IST1: variants seen among roughly 807,000 people sequenced by gnomAD.
IST1 encodes IST1 homolog.
In IST1, 23 loss-of-function variants were observed where a neutral mutation model predicts 37.0. That is an observed-to-expected ratio of 0.62 (90% CI 0.45 to 0.88). The LOEUF (loss-of-function observed/expected upper bound fraction) is 0.88, where lower values mean the gene tolerates loss of function less well. Among genes scored for constraint, IST1 ranks in the 40% least tolerant of loss-of-function variants. The probability of loss-of-function intolerance (pLI) is 0.00; values close to 1 mark genes in which losing one functional copy is unlikely to be tolerated. For synonymous variants in IST1, 180 were observed against 161.7 expected (o/e 1.11, Z -0.86); for missense variants, 488 against 445.4 (o/e 1.10, Z -0.86).
chr16:71,912,134 TC>T (rs1004944882), intron 1 of IST1, among the ~76,000 whole-genome samples: 1 of 152,090 alleles, frequency 6.6e-6, no homozygotes, highest in African/African-American at 2.4e-5. Flanking sequence ...ATTGCAGATT[TC>T]CCCCCAAATA....
Position 71,915,713 on chromosome 16 carries a change from T to A in IST1, c.73T>A (p.Leu25Met), listed in dbSNP as rs902817342. 1 of 1,610,710 alleles carries A rather than the reference T, an allele frequency of 6.2e-7. No homozygotes were observed. The highest frequency in any genetic ancestry group is 2.2e-5 in the East Asian group (1 of 44,860). ...ATTAGTCATAAATCGCCTTAAACTATTGGAGAAAAAGAAAAGTGAGTAGTG... is the reference window on the plus strand; with the variant it reads ...ATTAGTCATAAATCGCCTTAAACTAATGGAGAAAAAGAAAAGTGAGTAGTG... ...LRLVINRLKL[L>M]EKKKTELAQK... The change falls in exon 2 of 10, where the codon TTG becomes ATG. Residue 25 changes from leucine (L) to methionine (M), a missense_variant. Coordinates refer to ENST00000378799, the MANE Select transcript of IST1 (RefSeq NM_001270975.2).
intron 1 of IST1, chr16:71,903,351 A>AT (rs762025966): frequency 8.6e-5 from 13 of 152,038 alleles, no homozygotes; most frequent in African/African-American, 2.4e-4. Flanking sequence ...CATCCCACAA[A>AT]TTCGTTACAT....
rs1199046448 is a variant in IST1, at chr16:71,930,208, C to T, written c.*2395C>T. 61 of 1,522,338 alleles carry T rather than the reference C, an allele frequency of 4.0e-5. No individual in the cohort carries two copies. The highest frequency in any genetic ancestry group is 3.0e-5 in the Non-Finnish European group (34 of 1,133,496). The allele number at this position is 1,522,338 out of a possible 1,614,324, so 94.3% of individuals were successfully genotyped here. The stretch of plus-strand genomic sequence containing the variant: ...CCTGGGAAAACAATAAGAACACTTG[C>T]AGTGACTGACAATTTAGTTTATACT... On this transcript the variant is annotated 3_prime_UTR_variant, in exon 10 of 10. Coordinates refer to ENST00000378799, the MANE Select transcript of IST1 (RefSeq NM_001270975.2).
At chr16:71,921,170 G>T in intron 5 of IST1, 173 bp from the exon 6 acceptor site, 1 of 607,186 alleles carries the variant, frequency 1.6e-6, no homozygotes, top group East Asian at 2.7e-5. Context: ...GTGAAAGAGA[G>T]ACTTGGGTCC....
chr16:71,923,376 A>C lies in IST1; in HGVS notation c.848A>C (p.Glu283Ala). ...PQIPATPPSY[E>A]SVDDINADKN... ...ATACCAGCAACTCCCCCATCGTATG[A>C]ATCTGTAAGTGCCTGAGCCTCTTTT... Residue 283 changes from glutamate (E) to alanine (A), a missense_variant, in exon 8 of 10, where the codon GAA (glutamate) becomes GCA (alanine). Glu to Ala is a moderately radical substitution (Grantham distance 107). This residue lies in a region of IST1 where 455 missense variants were observed against 386.2 expected (regional missense o/e 1.18). Coordinates refer to ENST00000378799, the MANE Select transcript of IST1 (RefSeq NM_001270975.2). 2 of 1,596,082 alleles carry C rather than the reference A, an allele frequency of 1.3e-6. No individual in the cohort carries two copies. Among genetic ancestry groups the C allele is most frequent in the Middle Eastern group, 1.7e-4 (1 of 6,022 alleles).
At chr16:71,917,177 T>G in intron 4 of IST1, 43 bp downstream of exon 4, 1 of 1,219,954 alleles carries the variant, frequency 8.2e-7, no homozygotes, top group Non-Finnish European at 1.2e-6. Flanking sequence ...CTTTTCATAT[T>G]GTTAGAAAGG....
At chr16:71,894,952 C>G (rs1275848232), upstream of IST1, 1 of 887,486 alleles carries the variant, frequency 1.1e-6, no homozygotes, top group Non-Finnish European at 1.8e-6. Flanking sequence ...AATTATACCA[C>G]ACAGACCGGA....
intron 1 of IST1, among the ~76,000 whole-genome samples, chr16:71,913,928 C>T (rs1470296919): frequency 1.3e-5 from 2 of 152,176 alleles, no homozygotes; most frequent in Admixed American, 6.5e-5. Context: ...CCTGCCTCAG[C>T]CTCCGGAGTA....
chr16:71,923,850 T>C (rs9925684), intron 8 of IST1, among the ~76,000 whole-genome samples: 50,986 of 152,080 alleles, frequency 0.34, 9,170 homozygotes, highest in East Asian at 0.66. Context: ...CATTTTAGTA[T>C]TCTAGTTAAA....
intron 1 of IST1, among the ~76,000 whole-genome samples, chr16:71,914,125 G>T (rs200984395): frequency 1.1e-5 from 1 of 93,104 alleles, no homozygotes; most frequent in East Asian, 4.1e-4. Context: ...GTTGTTTGTT[G>T]TTTTTCCAGT....
At position 71,929,775 on chromosome 16, in the gene IST1, A is replaced by G; in HGVS notation, c.*1962A>G. 1 of 1,185,912 alleles carries G rather than the reference A, an allele frequency of 8.4e-7. No homozygotes were observed. The highest frequency in any genetic ancestry group is 2.6e-5 in the East Asian group (1 of 38,972). The allele number at this position is 1,185,912 out of a possible 1,614,324, so 73.5% of individuals were successfully genotyped here. A position where few individuals can be genotyped will look rare whatever the true frequency, so the allele number is the denominator to read the frequency against. ...CCAAAGATTTTTAAAAAATTAGTAA[A>G]TGTAAAGATACTATTTCTTTAATAA... On this transcript the variant is annotated 3_prime_UTR_variant, in exon 10 of 10. Transcript: ENST00000378799.
intron 1 of IST1, among the ~76,000 whole-genome samples, chr16:71,896,292 A>C (rs149669061): frequency 1.3e-5 from 2 of 152,108 alleles, no homozygotes; most frequent in African/African-American, 4.8e-5. Flanking sequence ...AACTTTGAGG[A>C]GGGTCGGGAC....
At chr16:71,911,405 C>T (rs1404054442) in intron 1 of IST1, among the ~76,000 whole-genome samples, 3 of 151,010 alleles carry the variant, frequency 2.0e-5, no homozygotes, top group Non-Finnish European at 2.9e-5. Flanking sequence ...TGGTGGTTCA[C>T]GCCTGTAATC....
intron 1 of IST1, among the ~76,000 whole-genome samples, chr16:71,908,973 G>A (rs1158545153): frequency 2.0e-5 from 3 of 152,082 alleles, no homozygotes; most frequent in South Asian, 2.1e-4. Flanking sequence ...ACTGAACCTA[G>A]AACCCTGTTC....
At chr16:71,914,920 C>T (rs1472424080) in intron 1 of IST1, among the ~76,000 whole-genome samples, 2 of 152,094 alleles carry the variant, frequency 1.3e-5, no homozygotes, top group Admixed American at 6.6e-5. Context: ...TAAAGTCTTG[C>T]GGGTAGAGGA....
chr16:71,909,530 G>A (rs2037305430), intron 1 of IST1, among the ~76,000 whole-genome samples: 1 of 152,148 alleles, frequency 6.6e-6, no homozygotes, highest in African/African-American at 2.4e-5. Flanking sequence ...GAATGGAATT[G>A]CTGTGTCTTA....
intron 1 of IST1, among the ~76,000 whole-genome samples, chr16:71,905,569 G>A (rs1443708808): frequency 2.6e-5 from 4 of 151,542 alleles, no homozygotes; most frequent in East Asian, 1.9e-4. Context: ...TAGTAGAGAC[G>A]GGGTTTCACC....
chr16:71,905,577 A>G (rs549755245), intron 1 of IST1, among the ~76,000 whole-genome samples: 1 of 151,642 alleles, frequency 6.6e-6, no homozygotes, highest in East Asian at 1.9e-4. Flanking sequence ...ACGGGGTTTC[A>G]CCATGTTGGC....
At chr16:71,912,994 A>G (rs2037391638) in intron 1 of IST1, among the ~76,000 whole-genome samples, 1 of 152,132 alleles carries the variant, frequency 6.6e-6, no homozygotes, top group South Asian at 2.1e-4. Flanking sequence ...TTGTTTATCC[A>G]TGAATCCCTC....
Sources: gnomAD v4.1 joint callset for allele counts (sites outside exome capture counted in the v4.1 genomes callset) on GRCh38, gnomAD v4.1.1 for gene constraint, gnomAD v4.1.1 regional missense constraint, MANE v1.5 for transcripts, NCBI Gene and HGNC (gene_info 2026-07-23, HGNC 2026-07-21) for gene names.